ZNF782: variants seen among roughly 807,000 people sequenced by gnomAD.
ZNF782 encodes zinc finger protein 782.
A neutral mutation model predicts 13.0 loss-of-function variants in ZNF782; 12 were observed. The observed-to-expected ratio is 0.92, with a 90% CI of 0.59 to 1.50. The LOEUF (loss-of-function observed/expected upper bound fraction) is 1.50. Among genes scored for constraint, ZNF782 ranks in the 40% most tolerant of loss-of-function variants. The pLI is 0.00. For missense variants in ZNF782, 770 were observed against 822.9 expected (o/e 0.94, Z 0.79); for synonymous variants, 284 against 283.0 (o/e 1.00, Z -0.04).
the ZNF782 span, among the ~76,000 whole-genome samples, chr9:96,911,513 TTTGTTTTGTTTTG>T: frequency 6.8e-6 from 1 of 146,154 alleles, no homozygotes; most frequent in East Asian, 2.2e-4. Context: ...TTTTTTTGTT[TTTGTTTTGTTTTG>T]TTTTTTTTTT....
chr9:96,876,658 A>G (rs1851895130), upstream of ZNF782, among the ~76,000 whole-genome samples: 1 of 152,184 alleles, frequency 6.6e-6, no homozygotes, highest in Admixed American at 6.6e-5. Flanking sequence ...GGGTTTCAGG[A>G]AAGGGGAACA....
upstream of ZNF782, among the ~76,000 whole-genome samples, chr9:96,879,969 C>T (rs1041681780): frequency 6.6e-6 from 1 of 151,654 alleles, no homozygotes; most frequent in Non-Finnish European, 1.5e-5. Context: ...AATTTGTATG[C>T]CTTTTCTTTT....
chr9:96,927,168 G>A, the ZNF782 span, among the ~76,000 whole-genome samples: 4 of 152,224 alleles, frequency 2.6e-5, no homozygotes, highest in African/African-American at 9.6e-5. Flanking sequence ...GATGACACTT[G>A]TGATGAAGAT....
At chr9:96,864,996 G>C (rs760099688) in intron 1 of ZNF782, among the ~76,000 whole-genome samples, 1 of 151,922 alleles carries the variant, frequency 6.6e-6, no homozygotes, top group African/African-American at 2.4e-5. Context: ...CTGTGAGCTA[G>C]GATCATGCCA....
At chr9:96,931,711 T>C in the ZNF782 span, 5 of 1,611,432 alleles carry the variant, frequency 3.1e-6, no homozygotes, top group Non-Finnish European at 4.2e-6. Flanking sequence ...CTCTTTCCTT[T>C]GTCTCCACAG....
At chr9:96,925,106 C>T in the ZNF782 span, among the ~76,000 whole-genome samples, 1 of 152,336 alleles carries the variant, frequency 6.6e-6, no homozygotes, top group African/African-American at 2.4e-5. Context: ...GCTCGCGCTG[C>T]GTCGTCTCCC....
chr9:96,818,002 T>A lies in ZNF782; in HGVS notation c.2021A>T (p.Tyr674Phe). ...HQRTHTGEKP[Y>F]KCDKCGRTFS... ...AGTTCTCCCACATTTATCACATTTA[T>A]AGGGTTTCTCCCCTGTGTGAGTTCT... Residue 674 changes from tyrosine to phenylalanine, a missense_variant, in exon 6 of 6, where the codon TAT becomes TTT. By Grantham distance (22) the Tyr-to-Phe change is conservative. Coordinates refer to ENST00000481138, the MANE Select transcript of ZNF782 (RefSeq NM_001001662.3). 6.2e-7 allele frequency: 1 copy of A among 1,613,328 alleles called. No homozygotes were observed. The highest frequency in any genetic ancestry group is 1.1e-5 in the South Asian group (1 of 90,890).
chr9:96,853,973 A>G lies in ZNF782; in HGVS notation c.-262+115T>C, dbSNP rs190740500. 403 of 152,370 alleles carry G rather than the reference A, an allele frequency of 2.6e-3. 2 individuals carry two copies. Among genetic ancestry groups the G allele is most frequent in the Middle Eastern group, 0.02 (6 of 294 alleles). 9.4% of individuals were successfully genotyped at this position (152,370 alleles called of 1,614,324 possible). A position where few individuals can be genotyped will look rare whatever the true frequency, so the allele number is the denominator to read the frequency against. On this transcript the variant is annotated intron_variant, in intron 1 of 5. Transcript: ENST00000481138. ...TTTACAGGTGGTGACTTAAAGTTTTAAACCAACGCCATGAAGCAGTCATTA... is the reference window on the plus strand; with the variant it reads ...TTTACAGGTGGTGACTTAAAGTTTTGAACCAACGCCATGAAGCAGTCATTA...
the ZNF782 span, among the ~76,000 whole-genome samples, chr9:96,931,169 T>C: frequency 1.3e-5 from 2 of 152,048 alleles, no homozygotes; most frequent in Admixed American, 6.5e-5. Flanking sequence ...ATGACAGGCA[T>C]GAACCAGCAT....
the ZNF782 span, among the ~76,000 whole-genome samples, chr9:96,881,636 T>C: frequency 2.0e-5 from 3 of 152,242 alleles, no homozygotes; most frequent in Middle Eastern, 3.4e-3. Flanking sequence ...TCTACAAATA[T>C]CTAATTGTTC....
intron 3 of ZNF782, 93 bp downstream of exon 3, chr9:96,851,854 T>TG (rs151257454): frequency 0.031 from 39,190 of 1,254,920 alleles, 3,018 homozygotes; most frequent in African/African-American, 0.26. Flanking sequence ...AAGATTTACT[T>TG]ATCTATTTCT....
chr9:96,899,606 A>T, the ZNF782 span, among the ~76,000 whole-genome samples: 2 of 152,190 alleles, frequency 1.3e-5, no homozygotes, highest in Admixed American at 1.3e-4. Context: ...AGGTTAAGGG[A>T]CTGCCTCTGG....
chr9:96,917,326 G>A, the ZNF782 span, among the ~76,000 whole-genome samples: 1 of 150,308 alleles, frequency 6.7e-6, no homozygotes, highest in Non-Finnish European at 1.5e-5. Flanking sequence ...ATATGCATAC[G>A]TTAATTTTCA....
At chr9:96,906,645 A>G in the ZNF782 span, among the ~76,000 whole-genome samples, 31 of 152,368 alleles carry the variant, frequency 2.0e-4, no homozygotes, top group Admixed American at 7.8e-4. Context: ...TGGAGCTTTT[A>G]TATCCTCCCA....
At chr9:96,837,353 C>T (rs538844800) in intron 4 of ZNF782, among the ~76,000 whole-genome samples, 1 of 152,262 alleles carries the variant, frequency 6.6e-6, no homozygotes, top group Admixed American at 6.5e-5. Context: ...CCTTTATAAT[C>T]AGTTTTATTT....
At chr9:96,887,468 T>C in the ZNF782 span, 5 of 152,082 alleles carry the variant, frequency 3.3e-5, no homozygotes, top group African/African-American at 9.7e-5. Flanking sequence ...AAGACAGAGA[T>C]TGGCAGAGTG....
chr9:96,857,510 G>A (rs1160009625), upstream of ZNF782, among the ~76,000 whole-genome samples: 1 of 152,170 alleles, frequency 6.6e-6, no homozygotes, highest in East Asian at 1.9e-4. Context: ...CTAAATCAAA[G>A]GCCAGTGCTC....
chr9:96,881,236 C>G, the ZNF782 span, among the ~76,000 whole-genome samples: 1 of 152,034 alleles, frequency 6.6e-6, no homozygotes, highest in African/African-American at 2.4e-5. Context: ...TTGATTTCCT[C>G]TTTTGTTTTT....
At chr9:96,912,592 G>A in the ZNF782 span, among the ~76,000 whole-genome samples, 1 of 151,518 alleles carries the variant, frequency 6.6e-6, no homozygotes, top group Non-Finnish European at 1.5e-5. Flanking sequence ...GCAGTGGCAC[G>A]ATCTTGGCTC....
Sources: allele counts gnomAD v4.1 joint callset (sites outside exome capture counted in the v4.1 genomes callset), GRCh38; gene constraint gnomAD v4.1.1; transcripts MANE v1.5; gene names NCBI Gene and HGNC (gene_info 2026-07-23, HGNC 2026-07-21).